Variants in UGT2A2 observed in about 807,000 individuals in gnomAD.
UGT2A2 encodes UDP glucuronosyltransferase family 2 member A2.
UGT2A2 carries 60 observed loss-of-function variants against 50.7 expected under a neutral mutation model. The observed-to-expected ratio is 1.18, with a 90% CI of 0.96 to 1.47. The LOEUF (loss-of-function observed/expected upper bound fraction) is 1.47. Ranked by LOEUF, UGT2A2 falls within the 40% of genes most tolerant of loss-of-function variation. The probability of loss-of-function intolerance (pLI) is 0.00; values close to 1 mark genes in which losing one functional copy is unlikely to be tolerated. For synonymous variants in UGT2A2, 242 were observed against 214.6 expected (o/e 1.13, Z -1.11); for missense variants, 762 against 634.0 (o/e 1.20, Z -2.17).
Position 69,602,895 on chromosome 4 carries a change from G to A in UGT2A2, c.743-3501C>T, listed in dbSNP as rs185811811. On this transcript the variant is annotated intron_variant, in intron 1 of 5. Coordinates refer to ENST00000604629, the MANE Select transcript of UGT2A2 (RefSeq NM_001105677.2). The stretch of plus-strand genomic sequence containing the variant: ...AGTGTGGCCAAGATGGTGAAACCCC[G>A]TCTCTACTAAAAATACAAAAAAATT... 6.0e-5 allele frequency among the ~76,000 whole-genome samples: 8 copies of A among 134,040 alleles called. 2 individuals are homozygous for A. In the South Asian group the frequency reaches 1.5e-3, roughly 25 times the overall value. 87.9% of individuals were successfully genotyped at this position (134,040 alleles called of 152,430 possible).
chr4:69,616,352 T>A (rs1447598792), intron 1 of UGT2A2, among the ~76,000 whole-genome samples: 1 of 151,936 alleles, frequency 6.6e-6, no homozygotes, highest in Non-Finnish European at 1.5e-5. Flanking sequence ...TAATAATTTG[T>A]GTGTTTTAAA....
intron 3 of UGT2A2, among the ~76,000 whole-genome samples, chr4:69,595,753 G>A (rs562350631): frequency 6.6e-6 from 1 of 152,160 alleles, no homozygotes; most frequent in Non-Finnish European, 1.5e-5. Flanking sequence ...TTTTTAGCTA[G>A]AGAATATTCA....
At chr4:69,614,228 C>CAAATA (rs1720239984) in intron 1 of UGT2A2, among the ~76,000 whole-genome samples, 1 of 151,768 alleles carries the variant, frequency 6.6e-6, no homozygotes, top group African/African-American at 2.4e-5. Context: ...GCAACAGCTA[C>CAAATA]AAATAAAATA....
Position 69,589,239 on chromosome 4 carries a change from A to T in UGT2A2, c.*133T>A. ...CTTTATCAGTAGGCTTATCGCAGGTAGAGAAATAGAAAATTTGGAAACAGG... is the reference window on the plus strand; with the variant it reads ...CTTTATCAGTAGGCTTATCGCAGGTTGAGAAATAGAAAATTTGGAAACAGG... On this transcript the variant is annotated 3_prime_UTR_variant, in exon 6 of 6. Transcript: ENST00000604629. The T allele has an allele frequency of 8.6e-7, 1 of 1,169,032 alleles. No homozygotes were observed. The highest frequency in any genetic ancestry group is 1.2e-6 in the Non-Finnish European group (1 of 869,230). 72.4% of individuals were successfully genotyped at this position (1,169,032 alleles called of 1,614,324 possible).
intron 4 of UGT2A2, among the ~76,000 whole-genome samples, 181 bp from the exon 5 acceptor site, chr4:69,594,877 T>C (rs908906943): frequency 2.6e-5 from 4 of 152,150 alleles, no homozygotes; most frequent in Non-Finnish European, 4.4e-5. Context: ...AAGCAGTAAT[T>C]AACAGCATTT....
At chr4:69,635,503 T>C (rs759209891) in intron 1 of UGT2A2, among the ~76,000 whole-genome samples, 3 of 152,282 alleles carry the variant, frequency 2.0e-5, no homozygotes, top group Non-Finnish European at 4.4e-5. Context: ...ATCTATTTGC[T>C]GTACAGCAGA....
intron 1 of UGT2A2, among the ~76,000 whole-genome samples, chr4:69,628,722 A>C (rs1298372705): frequency 6.7e-6 from 1 of 148,786 alleles, no homozygotes; most frequent in Non-Finnish European, 1.5e-5. Context: ...CAAATATATG[A>C]ATGATCTAGA....
At chr4:69,622,248 CAT>C (rs1327794362) in intron 1 of UGT2A2, among the ~76,000 whole-genome samples, 1 of 151,544 alleles carries the variant, frequency 6.6e-6, no homozygotes, top group Non-Finnish European at 1.5e-5. Context: ...CTTACCAAAA[CAT>C]ATGTCAAAAT....
intron 2 of UGT2A2, 23 bp from the exon 3 acceptor site, chr4:69,596,404 A>G: frequency 1.3e-6 from 2 of 1,536,216 alleles, no homozygotes; most frequent in Non-Finnish European, 1.8e-6. Context: ...TATATTTTCT[A>G]TTACAAAGGT....
intron 1 of UGT2A2, among the ~76,000 whole-genome samples, chr4:69,622,677 T>C (rs1424391057): frequency 6.6e-6 from 1 of 151,764 alleles, no homozygotes; most frequent in Non-Finnish European, 1.5e-5. Context: ...GCATTGAGGA[T>C]TTCATGTGTT....
At chr4:69,631,517 T>C (rs17680131) in intron 1 of UGT2A2, among the ~76,000 whole-genome samples, 1 of 151,902 alleles carries the variant, frequency 6.6e-6, no homozygotes, top group African/African-American at 2.4e-5. Context: ...TAATGAGAAA[T>C]AGTTTAGTTA....
Position 69,589,454 on chromosome 4 carries a change from G to A in UGT2A2, c.1529C>T (p.Thr510Met), listed in dbSNP as rs184187801. The change falls in exon 6 of 6, where the codon ACG (threonine) becomes ATG (methionine). Residue 510 changes from threonine (T) to methionine (M), a missense_variant. Transcript: ENST00000604629. Reference protein sequence around the residue: ...VIGFLLVCVTTAIFLVIQCCL... With the variant: ...VIGFLLVCVTMAIFLVIQCCL... ...ACATTGTATGACCAAAAATATAGCC[G>A]TTGTCACACAGACCAGCAAGAACCC... 8.5e-5 allele frequency: 137 copies of A among 1,613,866 alleles called. No individual in the cohort carries two copies. The highest frequency in any genetic ancestry group is 1.6e-4 in the East Asian group (7 of 44,872).
At position 69,604,625 on chromosome 4, in the gene UGT2A2, C is replaced by A. The variant is rs994078887; in HGVS notation, c.743-5231G>T. On this transcript the variant is annotated intron_variant, in intron 1 of 5. Coordinates refer to ENST00000604629, the MANE Select transcript of UGT2A2 (RefSeq NM_001105677.2). The stretch of plus-strand genomic sequence containing the variant: ...GCTCCAATTAAAAGACACAGACTGG[C>A]AAATTGGATAAAGAGCCAAGACCCA... 3.7e-5 allele frequency among the ~76,000 whole-genome samples: 5 copies of A among 136,598 alleles called. 1 individual carries two copies. Among genetic ancestry groups the A allele is most frequent in the South Asian group, 2.4e-4 (1 of 4,182 alleles). 89.6% of individuals were successfully genotyped at this position (136,598 alleles called of 152,430 possible). A position where few individuals can be genotyped will look rare whatever the true frequency, so the allele number is the denominator to read the frequency against.
intron 1 of UGT2A2, among the ~76,000 whole-genome samples, chr4:69,604,502 A>G (rs1032860901): frequency 7.3e-6 from 1 of 136,764 alleles, no homozygotes; most frequent in Non-Finnish European, 1.6e-5. Context: ...CTAGGAAGAA[A>G]CTGCATCAAC....
At chr4:69,630,811 T>C (rs996961146) in intron 1 of UGT2A2, among the ~76,000 whole-genome samples, 2 of 152,084 alleles carry the variant, frequency 1.3e-5, no homozygotes, top group Non-Finnish European at 2.9e-5. Flanking sequence ...ATTCCTGATT[T>C]ACCAAGTCTC....
At chr4:69,612,190 G>A (rs2109919017) in intron 1 of UGT2A2, among the ~76,000 whole-genome samples, 1 of 151,742 alleles carries the variant, frequency 6.6e-6, no homozygotes, top group East Asian at 1.9e-4. Flanking sequence ...AAGTAACAGA[G>A]ACTAGAAATA....
At chr4:69,616,256 A>G (rs902591983) in intron 1 of UGT2A2, among the ~76,000 whole-genome samples, 1 of 151,864 alleles carries the variant, frequency 6.6e-6, no homozygotes, top group Non-Finnish European at 1.5e-5. Context: ...GGGAGGGTAT[A>G]AAGAGGGCAT....
rs138906659 is a variant in UGT2A2, at chr4:69,600,539, G to A, written c.743-1145C>T. ...GACATCCCTACTTTAGAGGAGCATG[G>A]CCTGAAAGCCACAGTTTCCATCTCA... On this transcript the variant is annotated intron_variant, in intron 1 of 5. Coordinates refer to ENST00000604629, the MANE Select transcript of UGT2A2 (RefSeq NM_001105677.2). 7.9e-5 allele frequency among the ~76,000 whole-genome samples: 12 copies of A among 152,286 alleles called. No homozygotes were observed. In the East Asian group the frequency reaches 2.3e-3, roughly 29 times the overall value.
rs1298497598 is a variant in UGT2A2 at position 69,596,323 on chromosome 4, C to T, written c.950G>A (p.Gly317Glu). ...TTCTGTAAGGTTTTTGACCATTGATCCCAGAGAAAACACCACAACACCATT... is the reference window on the plus strand; with the variant it reads ...TTCTGTAAGGTTTTTGACCATTGATTCCAGAGAAAACACCACAACACCATT... ...GKNGVVVFSLGSMVKNLTEEK... is the reference protein window; with the variant it reads ...GKNGVVVFSLESMVKNLTEEK... The change falls in exon 3 of 6, where the codon GGA (glycine) becomes GAA (glutamate). Residue 317 changes from glycine (G) to glutamate (E), a missense_variant. By Grantham distance (98) the Gly-to-Glu change is moderately conservative (BLOSUM62 -2). Coordinates refer to ENST00000604629, the MANE Select transcript of UGT2A2 (RefSeq NM_001105677.2). 3 of 1,607,866 alleles carry T rather than the reference C, an allele frequency of 1.9e-6. No homozygotes were observed. Among genetic ancestry groups the T allele is most frequent in the South Asian group, 1.1e-5 (1 of 90,368 alleles).
Sources: gnomAD v4.1 joint callset for allele counts (sites outside exome capture counted in the v4.1 genomes callset) on GRCh38, gnomAD v4.1.1 for gene constraint, MANE v1.5 for transcripts, NCBI Gene and HGNC (gene_info 2026-07-23, HGNC 2026-07-21) for gene names.